Variants in FGFR4 observed in about 807,000 individuals in gnomAD.
FGFR4 encodes the protein fibroblast growth factor receptor 4.
FGFR4 carries 63 observed loss-of-function variants against 89.9 expected under a neutral mutation model. That is an observed-to-expected ratio of 0.70 (90% CI 0.57 to 0.86). The LOEUF (loss-of-function observed/expected upper bound fraction) is 0.86. Among genes scored for constraint, FGFR4 ranks in the 40% least tolerant of loss-of-function variants. The probability of loss-of-function intolerance (pLI) is 0.00; values close to 1 mark genes in which losing one functional copy is unlikely to be tolerated. For synonymous variants in FGFR4, 486 were observed against 479.4 expected (o/e 1.01, Z -0.18); for missense variants, 928 against 1,106.7 (o/e 0.84, Z 2.29).
chr5:177,093,323 G>C lies in FGFR4; in HGVS notation c.1243G>C (p.Ala415Pro), dbSNP rs769601840. 6.2e-7 allele frequency: 1 copy of C among 1,613,918 alleles called. No individual in the cohort carries two copies. Among genetic ancestry groups the C allele is most frequent in the South Asian group, 1.1e-5 (1 of 91,090 alleles). The change falls in exon 9 of 18, where the codon GCC (alanine) becomes CCC (proline). Residue 415 changes from alanine (A) to proline (P), a missense_variant. Physicochemically the swap from Ala to Pro is conservative, Grantham distance 27 (BLOSUM62 -1). Transcript: ENST00000292408. The surrounding 1 kb of genome is among the most constrained non-coding windows in gnomAD (Gnocchi z 5.8). Reference protein sequence around the residue: ...TVQKLSRFPLARQFSLESGSS... With the variant: ...TVQKLSRFPLPRQFSLESGSS... ...GCAGAAGCTCTCCCGCTTCCCTCTG[G>C]CCCGACAGGTACTGGGCGCATCCCC...
In FGFR4 at chr5:177,092,642, C is replaced by T. The variant is rs745749780; in HGVS notation, c.919-4C>T. ...GTGACCCCAGAGCATGTCCCCCACC[C>T]CAGACTGCAGACATCAATAGCTCAG... On this transcript the variant is annotated splice_polypyrimidine_tract_variant and splice_region_variant and intron_variant, in intron 7 of 17. Transcript: ENST00000292408. 5.6e-6 allele frequency: 9 copies of T among 1,600,612 alleles called. No homozygotes were observed. Among genetic ancestry groups the T allele is most frequent in the Non-Finnish European group, 3.4e-6 (4 of 1,169,734 alleles).
rs1307851841 is a variant in FGFR4 at position 177,095,985 on chromosome 5, C to T, written c.1822-72C>T. ...TGGGTGGAGGGCCCCTGCCCCCGGG[C>T]CTGCTGGGGGGTGGTGTGTGCTCAA... On this transcript the variant is annotated intron_variant, in intron 13 of 17. Transcript: ENST00000292408. This position sits in a 1 kb window ranked among gnomAD's most constrained non-coding sequence, Gnocchi z 5.7. The T allele has an allele frequency of 1.9e-6, 3 of 1,552,332 alleles. No homozygotes were observed. The East Asian group carries it at 6.8e-5, about 35-fold the overall frequency.
rs142584511 is a variant in FGFR4 at position 177,090,999 on chromosome 5, C to T, written c.498C>T (p.Asn166=). Residue 166 remains asparagine, a synonymous_variant, in exon 5 of 18, where the codon AAC becomes AAT. Coordinates refer to ENST00000292408, the MANE Select transcript of FGFR4 (RefSeq NM_213647.3). ...EKKLHAVPAG[N]TVKFRCPAAG... The stretch of plus-strand genomic sequence containing the variant: ...AACTGCATGCAGTACCTGCGGGGAA[C>T]ACCGTCAAGTTCCGCTGTCCAGCTG... 1.2e-6 allele frequency: 2 copies of T among 1,613,822 alleles called. No individual in the cohort carries two copies. Among genetic ancestry groups the T allele is most frequent in the Non-Finnish European group, 1.7e-6 (2 of 1,179,840 alleles).
At chr5:177,094,122 A>T (rs1784466413) in intron 11 of FGFR4, among the ~76,000 whole-genome samples, 1 of 151,706 alleles carries the variant, frequency 6.6e-6, no homozygotes, top group Non-Finnish European at 1.5e-5. Context: ...AGCCTGGAGG[A>T]GGTGCTATGG....
chr5:177,096,265 T>C (rs2149738765), intron 14 of FGFR4, 22 bp from the exon 15 acceptor site: 3 of 1,613,988 alleles, frequency 1.9e-6, no homozygotes, highest in Non-Finnish European at 1.7e-6. Context: ...GACTCTGCAC[T>C]GAGGCCCTCT....
rs368558499 is a variant in FGFR4 at position 177,093,200 on chromosome 5, G to A, written c.1120G>A (p.Ala374Thr). 2.4e-5 allele frequency: 39 copies of A among 1,612,924 alleles called. No individual in the cohort carries two copies. The highest frequency in any genetic ancestry group is 1.6e-4 in the Middle Eastern group (1 of 6,078). Residue 374 changes from alanine (A) to threonine (T), a missense_variant, in exon 9 of 18, where the codon GCG (alanine) becomes ACG (threonine). Transcript: ENST00000292408. The surrounding 1 kb of genome is among the most constrained non-coding windows in gnomAD (Gnocchi z 5.8). Reference sequence around the variant, plus strand: ...CAGGTATACGGACATCATCCTGTACGCGTCGGGCTCCCTGGCCTTGGCTGT... The same window carrying A: ...CAGGTATACGGACATCATCCTGTACACGTCGGGCTCCCTGGCCTTGGCTGT... The part of the protein sequence containing the change: ...EARYTDIILY[A>T]SGSLALAVLL...
chr5:177,093,285 C>A lies in FGFR4; in HGVS notation c.1205C>A (p.Pro402Gln), dbSNP rs764568046. The part of the protein sequence containing the change: ...GQALHGRHPR[P>Q]PATVQKLSRF... ...GCGCTCCACGGCCGGCACCCCCGCC[C>A]GCCCGCCACTGTGCAGAAGCTCTCC... Residue 402 changes from proline (P) to glutamine (Q), a missense_variant, in exon 9 of 18, where the codon CCG (proline) becomes CAG (glutamine). Physicochemically the swap from Pro to Gln is moderately conservative, Grantham distance 76. This residue lies in a region of FGFR4 where 741 missense variants were observed against 836.9 expected (regional missense o/e 0.89). Transcript: ENST00000292408. The surrounding 1 kb of genome is among the most constrained non-coding windows in gnomAD (Gnocchi z 5.8). 6.2e-7 allele frequency: 1 copy of A among 1,612,958 alleles called. No homozygotes were observed. Among genetic ancestry groups the A allele is most frequent in the South Asian group, 1.1e-5 (1 of 91,038 alleles).
chr5:177,091,908 A>G, intron 6 of FGFR4, 100 bp downstream of exon 6: 1 of 1,501,926 alleles, frequency 6.7e-7, no homozygotes, highest in East Asian at 2.3e-5. Flanking sequence ...GACTCAGATG[A>G]GTCAGGCAGC....
Position 177,093,536 on chromosome 5 carries a change from AGTTCCCCCGGGACAG to A in FGFR4, c.1385_1397+2del. On this transcript the variant is annotated inframe_deletion and splice_region_variant, in exon 10 of 18. Transcript: ENST00000292408. The surrounding 1 kb of genome is among the most constrained non-coding windows in gnomAD (Gnocchi z 5.8). ...GATCTACCTCTCGACCCACTATGGG[AGTTCCCCCGGGACAG>A]GTGCGCTGAGCTGTGTGGGGGCAGG... 9.3e-6 allele frequency: 15 copies of A among 1,613,630 alleles called. No individual in the cohort carries two copies. The highest frequency in any genetic ancestry group is 1.3e-5 in the Non-Finnish European group (15 of 1,179,822).
chr5:177,096,898 C>T (rs1450938286), intron 16 of FGFR4, among the ~76,000 whole-genome samples, 157 bp downstream of exon 16: 6 of 134,606 alleles, frequency 4.5e-5, no homozygotes, highest in South Asian at 2.6e-4. Flanking sequence ...TCTTCCTCCT[C>T]CTCCTCTTCC....
Position 177,090,657 on chromosome 5 carries a change from A to C in FGFR4, c.355+4A>C, listed in dbSNP as rs1784332781. The C allele has an allele frequency of 6.6e-6, 10 of 1,525,594 alleles. No homozygotes were observed. The highest frequency in any genetic ancestry group is 3.6e-4 in the Middle Eastern group (2 of 5,618). The allele number at this position is 1,525,594 out of a possible 1,614,324, so 94.5% of individuals were successfully genotyped here. On this transcript the variant is annotated splice_donor_region_variant and intron_variant, in intron 3 of 17. Coordinates refer to ENST00000292408, the MANE Select transcript of FGFR4 (RefSeq NM_213647.3). Reference sequence around the variant, plus strand: ...AATCTCACCTTGATTACAGGTGGTAAGAGACTCTAGCAGGGAGTGAAGGGA... The same window carrying C: ...AATCTCACCTTGATTACAGGTGGTACGAGACTCTAGCAGGGAGTGAAGGGA...
At chr5:177,091,434 AGGCAAG>A (rs1226817744) in intron 5 of FGFR4, among the ~76,000 whole-genome samples, 1 of 152,234 alleles carries the variant, frequency 6.6e-6, no homozygotes. Context: ...GTCTCAGAGA[AGGCAAG>A]GGTTGGCTCA....
In FGFR4 at chr5:177,097,851, C is replaced by A; in HGVS notation, c.*175C>A. 2.8e-6 allele frequency: 2 copies of A among 710,190 alleles called. No individual in the cohort carries two copies. The highest frequency in any genetic ancestry group is 4.3e-6 in the Non-Finnish European group (2 of 461,254). 44.0% of individuals were successfully genotyped at this position (710,190 alleles called of 1,614,324 possible). A position where few individuals can be genotyped will look rare whatever the true frequency, so the allele number is the denominator to read the frequency against. On this transcript the variant is annotated 3_prime_UTR_variant, in exon 18 of 18. Transcript: ENST00000292408. ...AGCTGCCGTGCCTGTGTCCTGATGGCCCAAATGTCAGGGTTCTGCTCGGCT... is the reference window on the plus strand; with the variant it reads ...AGCTGCCGTGCCTGTGTCCTGATGGACCAAATGTCAGGGTTCTGCTCGGCT...
Position 177,095,836 on chromosome 5 carries a change from A to G in FGFR4, c.1821+113A>G. 1 of 1,278,390 alleles carries G rather than the reference A, an allele frequency of 7.8e-7. No homozygotes were observed. The highest frequency in any genetic ancestry group is 1.1e-6 in the Non-Finnish European group (1 of 944,142). The allele number at this position is 1,278,390 out of a possible 1,614,324, so 79.2% of individuals were successfully genotyped here. ...CTGCTCTTTTTCATGACCCCACCTCAGTGTCCCCAGGCATTCACGCTTTCC... is the reference window on the plus strand; with the variant it reads ...CTGCTCTTTTTCATGACCCCACCTCGGTGTCCCCAGGCATTCACGCTTTCC... On this transcript the variant is annotated intron_variant, in intron 13 of 17. Coordinates refer to ENST00000292408, the MANE Select transcript of FGFR4 (RefSeq NM_213647.3). The surrounding 1 kb of genome is among the most constrained non-coding windows in gnomAD (Gnocchi z 5.7).
Position 177,097,620 on chromosome 5 carries a change from G to C in FGFR4, c.2353G>C (p.Asp785His), listed in dbSNP as rs931274193. 3.1e-6 allele frequency: 5 copies of C among 1,614,176 alleles called. No homozygotes were observed. In the South Asian group the frequency reaches 3.3e-5, roughly 11 times the overall value. Residue 785 changes from aspartate (D) to histidine (H), a missense_variant, in exon 18 of 18, where the codon GAC becomes CAC. Physicochemically the swap from Asp to His is moderately conservative, Grantham distance 81. Coordinates refer to ENST00000292408, the MANE Select transcript of FGFR4 (RefSeq NM_213647.3). Reference protein sequence around the residue: ...CSSSDSVFSHDPLPLGSSSFP... With the variant: ...CSSSDSVFSHHPLPLGSSSFP... The stretch of plus-strand genomic sequence containing the variant: ...CTCCAGCGATTCTGTCTTCAGCCAC[G>C]ACCCCCTGCCATTGGGATCCAGCTC...
At position 177,093,857 on chromosome 5, in the gene FGFR4, A is replaced by G. The variant is rs1784458067; in HGVS notation, c.1519+82A>G. 1.6e-5 allele frequency: 24 copies of G among 1,472,164 alleles called. No individual in the cohort carries two copies. Among genetic ancestry groups the G allele is most frequent in the Non-Finnish European group, 2.0e-5 (22 of 1,090,680 alleles). The allele number at this position is 1,472,164 out of a possible 1,614,324, so 91.2% of individuals were successfully genotyped here. On this transcript the variant is annotated intron_variant, in intron 11 of 17. Coordinates refer to ENST00000292408, the MANE Select transcript of FGFR4 (RefSeq NM_213647.3). The surrounding 1 kb of genome is among the most constrained non-coding windows in gnomAD (Gnocchi z 5.8). ...GAGGGTGGGAGGATCGCTTGAATCC[A>G]GGAATTCGAGGCCAGCCTGGGCAAC...
Position 177,093,201 on chromosome 5 carries a change from C to A in FGFR4, c.1121C>A (p.Ala374Glu). The A allele has an allele frequency of 6.2e-7, 1 of 1,612,994 alleles. No individual in the cohort carries two copies. Among genetic ancestry groups the A allele is most frequent in the Non-Finnish European group, 8.5e-7 (1 of 1,179,118 alleles). The part of the protein sequence containing the change: ...EARYTDIILY[A>E]SGSLALAVLL... ...AGGTATACGGACATCATCCTGTACG[C>A]GTCGGGCTCCCTGGCCTTGGCTGTG... Residue 374 changes from alanine to glutamate, a missense_variant, in exon 9 of 18, where the codon GCG (alanine) becomes GAG (glutamate). By Grantham distance (107) the Ala-to-Glu change is moderately radical. Coordinates refer to ENST00000292408, the MANE Select transcript of FGFR4 (RefSeq NM_213647.3). The surrounding 1 kb of genome is among the most constrained non-coding windows in gnomAD (Gnocchi z 5.8).
intron 1 of FGFR4, among the ~76,000 whole-genome samples, chr5:177,089,074 C>T (rs1784259452): frequency 6.6e-6 from 1 of 152,184 alleles, no homozygotes. Context: ...GACCACCCAG[C>T]CCTGGAAATG....
At position 177,093,523 on chromosome 5, in the gene FGFR4, G is replaced by C. The variant is rs763461529; in HGVS notation, c.1369G>C (p.Asp457His). Residue 457 changes from aspartate (D) to histidine (H), a missense_variant, in exon 10 of 18, where the codon GAC becomes CAC. By Grantham distance (81) the Asp-to-His change is moderately conservative (BLOSUM62 -1). Coordinates refer to ENST00000292408, the MANE Select transcript of FGFR4 (RefSeq NM_213647.3). The surrounding 1 kb of genome is among the most constrained non-coding windows in gnomAD (Gnocchi z 5.8). ...AGLVSLDLPL[D>H]PLWEFPRDRL... ...CCTCGTGAGTCTAGATCTACCTCTC[G>C]ACCCACTATGGGAGTTCCCCCGGGA... 26 of 1,613,664 alleles carry C rather than the reference G, an allele frequency of 1.6e-5. No individual in the cohort carries two copies. Among genetic ancestry groups the C allele is most frequent in the Non-Finnish European group, 2.2e-5 (26 of 1,180,000 alleles).
Sources: gnomAD v4.1 joint callset for allele counts (sites outside exome capture counted in the v4.1 genomes callset) on GRCh38, gnomAD v4.1.1 for gene constraint, gnomAD v4.1.1 regional missense constraint, Gnocchi (gnomAD v3.1) non-coding constraint, MANE v1.5 for transcripts, NCBI Gene and HGNC (gene_info 2026-07-23, HGNC 2026-07-21) for gene names.